The following DNAJC2 variants were observed in gnomAD, a reference collection of about 807,000 sequenced individuals.
DNAJC2 encodes dnaJ homolog subfamily C member 2.
A neutral mutation model predicts 94.0 loss-of-function variants in DNAJC2; 32 were observed. The ratio of observed to expected loss-of-function variants is 0.34; its 90% CI spans 0.26 to 0.46. The LOEUF (loss-of-function observed/expected upper bound fraction) is 0.46. Among genes scored for constraint, DNAJC2 ranks in the 20% least tolerant of loss-of-function variants. The pLI is 1.00. For synonymous variants in DNAJC2, 210 were observed against 229.7 expected (o/e 0.91, Z 0.77); for missense variants, 550 against 719.5 (o/e 0.76, Z 2.69).
At chr7:103,315,735 T>C (rs763044270) in intron 15 of DNAJC2, 29 bp downstream of exon 15, 2 of 1,491,372 alleles carry the variant, frequency 1.3e-6, no homozygotes, top group South Asian at 2.3e-5. Context: ...ATGGCTAGCA[T>C]TTTCTACGTT....
intron 7 of DNAJC2, 138 bp from the exon 8 acceptor site, chr7:103,322,932 G>T: frequency 4.1e-6 from 3 of 736,048 alleles, no homozygotes; most frequent in Non-Finnish European, 4.3e-6. Flanking sequence ...ATTAAACAAT[G>T]ATTTTTTTTT....
At chr7:103,320,386 G>A (rs962319940) in intron 10 of DNAJC2, among the ~76,000 whole-genome samples, 6 of 151,920 alleles carry the variant, frequency 3.9e-5, no homozygotes, top group African/African-American at 1.5e-4. Context: ...GCGCCCGGCT[G>A]TTTTTAACTT....
In DNAJC2 at chr7:103,315,803, G is replaced by A. The variant is rs771002862; in HGVS notation, c.1597C>T (p.Pro533Ser). The part of the protein sequence containing the change: ...DKFKKEHGVV[P>S]QADNATPSER... ...GAAGGCGTTGCGTTGTCTGCTTGAG[G>A]TACCACTCCATGTTCTTTTTTGAAC... Residue 533 changes from proline to serine, a missense_variant, in exon 15 of 17, where the codon CCT (proline) becomes TCT (serine). Physicochemically the swap from Pro to Ser is moderately conservative, Grantham distance 74. Coordinates refer to ENST00000379263, the MANE Select transcript of DNAJC2 (RefSeq NM_014377.3). 2 of 1,613,648 alleles carry A rather than the reference G, an allele frequency of 1.2e-6. No individual in the cohort carries two copies. The highest frequency in any genetic ancestry group is 1.7e-5 in the Admixed American group (1 of 60,000).
Position 103,323,603 on chromosome 7 carries a change from T to G in DNAJC2, c.714A>C (p.Ala238=), listed in dbSNP as rs369683489. 1.1e-5 allele frequency: 16 copies of G among 1,472,270 alleles called. No homozygotes were observed. Among genetic ancestry groups the G allele is most frequent in the Non-Finnish European group, 1.5e-5 (16 of 1,085,716 alleles). 91.2% of individuals were successfully genotyped at this position (1,472,270 alleles called of 1,614,324 possible). A position where few individuals can be genotyped will look rare whatever the true frequency, so the allele number is the denominator to read the frequency against. Residue 238 remains alanine (A), a synonymous_variant, in exon 7 of 17, where the codon GCA becomes GCC. Coordinates refer to ENST00000379263, the MANE Select transcript of DNAJC2 (RefSeq NM_014377.3). The part of the protein sequence containing the change: ...SYLDEEEKEK[A]ECRDERRWIE... Reference sequence around the variant, plus strand: ...TTAATGATTTGCATACATACCATTCTGCTTTTTCTTTTTCTTCTTCATCTA... The same window carrying G: ...TTAATGATTTGCATACATACCATTCGGCTTTTTCTTTTTCTTCTTCATCTA...
chr7:103,316,643 C>T lies in DNAJC2; in HGVS notation c.1427+187G>A, dbSNP rs941445987. On this transcript the variant is annotated intron_variant, in intron 13 of 16. Transcript: ENST00000379263. Reference sequence around the variant, plus strand: ...AAGTATTCTGTCATATGTATATGTGCATGTGTACTGATGCAATGGGTAAGA... The same window carrying T: ...AAGTATTCTGTCATATGTATATGTGTATGTGTACTGATGCAATGGGTAAGA... 8.9e-4 allele frequency: 533 copies of T among 598,892 alleles called. 1 individual carries two copies. The highest frequency in any genetic ancestry group is 1.2e-3 in the Non-Finnish European group (419 of 338,258). 37.1% of individuals were successfully genotyped at this position (598,892 alleles called of 1,614,324 possible).
At chr7:103,314,884 T>G (rs1817960271) in intron 15 of DNAJC2, among the ~76,000 whole-genome samples, 1 of 152,214 alleles carries the variant, frequency 6.6e-6, no homozygotes, top group African/African-American at 2.4e-5. Flanking sequence ...GCGATTAGTT[T>G]AAGAAAGGAT....
At chr7:103,334,870 G>C (rs1026822117) in intron 3 of DNAJC2, among the ~76,000 whole-genome samples, 1 of 152,162 alleles carries the variant, frequency 6.6e-6, no homozygotes, top group Non-Finnish European at 1.5e-5. Flanking sequence ...GTTTCCCTCT[G>C]TCACCCAGGC....
chr7:103,327,378 C>T, intron 4 of DNAJC2: 2 of 1,230,720 alleles, frequency 1.6e-6, no homozygotes, highest in South Asian at 1.3e-5. Flanking sequence ...ACCTGGGGAT[C>T]CTGTTAAAAT....
chr7:103,314,048 A>C, intron 15 of DNAJC2: 1 of 985,388 alleles, frequency 1.0e-6, no homozygotes, highest in Non-Finnish European at 1.2e-6. Flanking sequence ...ACAAAACAAA[A>C]CCACCACCTA....
chr7:103,317,215 A>G (rs1301368082), intron 12 of DNAJC2: 4 of 533,532 alleles, frequency 7.5e-6, no homozygotes, highest in African/African-American at 3.8e-5. Flanking sequence ...AGGGACCAAG[A>G]ACTGCCCACA....
intron 3 of DNAJC2, chr7:103,336,391 T>G (rs1819175089): frequency 6.6e-6 from 1 of 152,250 alleles, no homozygotes; most frequent in Admixed American, 6.5e-5. Context: ...TTGCCCAGGC[T>G]GGAGCGCAAT....
Position 103,316,024 on chromosome 7 carries a change from C to T in DNAJC2, c.1492G>A (p.Asp498Asn). 6.2e-7 allele frequency: 1 copy of T among 1,602,814 alleles called. No homozygotes were observed. Among genetic ancestry groups the T allele is most frequent in the African/African-American group, 1.3e-5 (1 of 74,480 alleles). Residue 498 changes from aspartate (D) to asparagine (N), a missense_variant, in exon 14 of 17, where the codon GAT (aspartate) becomes AAT (asparagine). Physicochemically the swap from Asp to Asn is conservative, Grantham distance 23. This residue lies in a region of DNAJC2 where 271 missense variants were observed against 302.6 expected (regional missense o/e 0.90). Transcript: ENST00000379263. ...AGACTCTTTGCTTTGCCAATAACATCTTTGGCAGTTCTTTTGACTCCAGAG... is the reference window on the plus strand; with the variant it reads ...AGACTCTTTGCTTTGCCAATAACATTTTTGGCAGTTCTTTTGACTCCAGAG... ...SSSGVKRTAKDVIGKAKSLQK... is the reference protein window; with the variant it reads ...SSSGVKRTAKNVIGKAKSLQK...
intron 15 of DNAJC2, chr7:103,313,678 A>G: frequency 1.0e-6 from 1 of 985,448 alleles, no homozygotes; most frequent in Middle Eastern, 5.2e-4. Flanking sequence ...ACATCTGCTA[A>G]AATCTTGGGA....
chr7:103,329,738 G>A (rs1459786925), intron 3 of DNAJC2, among the ~76,000 whole-genome samples: 1 of 152,072 alleles, frequency 6.6e-6, no homozygotes. Flanking sequence ...TTGCCCTGGG[G>A]TTATCTTTAA....
intron 3 of DNAJC2, among the ~76,000 whole-genome samples, chr7:103,328,662 T>C (rs1818837002): frequency 6.6e-6 from 1 of 152,094 alleles, no homozygotes; most frequent in African/African-American, 2.4e-5. Context: ...ACAATTCAGA[T>C]GTAATCGTAT....
At chr7:103,326,931 A>G (rs1364325862) in intron 4 of DNAJC2, among the ~76,000 whole-genome samples, 1 of 152,148 alleles carries the variant, frequency 6.6e-6, no homozygotes, top group Admixed American at 6.5e-5. Flanking sequence ...CCCACCCCTC[A>G]AGAGAAAAGA....
Position 103,339,373 on chromosome 7 carries a change from T to C in DNAJC2, c.256-1562A>G, listed in dbSNP as rs559386489. Among the ~76,000 whole-genome samples, 7 of 152,338 alleles carry C rather than the reference T, an allele frequency of 4.6e-5. No homozygotes were observed. In the South Asian group the frequency reaches 1.0e-3, roughly 23 times the overall value. ...TATACCAAAGACCTTCTCCCTCTTA[T>C]AGATCTCAACACTCCCCAGTTCTGT... is the stretch of plus-strand genomic sequence containing the variant. On this transcript the variant is annotated intron_variant, in intron 2 of 16. Transcript: ENST00000379263.
chr7:103,340,510 T>G (rs1819336283), intron 2 of DNAJC2, among the ~76,000 whole-genome samples: 1 of 152,234 alleles, frequency 6.6e-6, no homozygotes, highest in African/African-American at 2.4e-5. Context: ...ACTTAAGTGC[T>G]TTATAAGCAT....
At chr7:103,339,360 C>T (rs111900511) in intron 2 of DNAJC2, among the ~76,000 whole-genome samples, 15 of 152,138 alleles carry the variant, frequency 9.9e-5, no homozygotes, top group African/African-American at 3.6e-4. Context: ...TACCAAAGAC[C>T]TTCTCCCTCT....
Sources: allele counts gnomAD v4.1 joint callset (sites outside exome capture counted in the v4.1 genomes callset), GRCh38; gene constraint gnomAD v4.1.1; regional missense constraint gnomAD v4.1.1; transcripts MANE v1.5; gene names NCBI Gene and HGNC (gene_info 2026-07-23, HGNC 2026-07-21).